The following PPP1CC variants were observed in gnomAD, a reference collection of about 807,000 sequenced individuals.
PPP1CC encodes the protein serine/threonine-protein phosphatase PP1-gamma catalytic subunit.
In PPP1CC, 16 loss-of-function variants were observed where a neutral mutation model predicts 38.4. That is an observed-to-expected ratio of 0.42 (90% confidence interval 0.28 to 0.63). PPP1CC has a LOEUF of 0.63. PPP1CC is among the 30% of genes least tolerant of loss of function. The pLI is 0.25. For synonymous variants in PPP1CC, 158 were observed against 136.0 expected, an observed-to-expected ratio of 1.16 and a Z score of -1.13; for missense variants, 170 against 391.3, an observed-to-expected ratio of 0.43 and a Z score of 4.77.
rs141465425 is a variant in PPP1CC, at chr12:110,721,247, T to A, written c.883-82A>T. 9.6e-4 allele frequency: 1,175 copies of A among 1,222,790 alleles called. 10 individuals carry two copies. The African/African-American group carries it at 0.016, about 16-fold the overall frequency. The allele number at this position is 1,222,790 out of a possible 1,614,324, so 75.7% of individuals were successfully genotyped here. On this transcript the variant is annotated intron_variant, in intron 6 of 6. Transcript: ENST00000335007. ...GTCCTTAAATTTCATTCAGATCTTC[T>A]GTTCAGATGGTGTTCACAACTGCCC...
At chr12:110,728,154 C>T (rs964811132) in intron 3 of PPP1CC, among the ~76,000 whole-genome samples, 14 of 152,204 alleles carry the variant, frequency 9.2e-5, no homozygotes, top group Admixed American at 2.0e-4. Flanking sequence ...AATCCCAGCA[C>T]TTTGGGAAGC....
At chr12:110,726,861 A>T (rs1451333089) in intron 3 of PPP1CC, among the ~76,000 whole-genome samples, 2 of 152,230 alleles carry the variant, frequency 1.3e-5, no homozygotes, top group Non-Finnish European at 2.9e-5. Context: ...AGGAATACTT[A>T]ACCTGTATTA....
intron 1 of PPP1CC, 74 bp from the exon 2 acceptor site, chr12:110,731,975 C>A: frequency 1.3e-6 from 2 of 1,535,542 alleles, no homozygotes; most frequent in Non-Finnish European, 1.8e-6. Flanking sequence ...GATAAAGGGG[C>A]AAAAACATGG....
At chr12:110,728,377 G>A (rs558870350) in intron 3 of PPP1CC, among the ~76,000 whole-genome samples, 186 of 140,446 alleles carry the variant, frequency 1.3e-3, no homozygotes, top group Non-Finnish European at 1.6e-3. Flanking sequence ...CAGCCTGGGC[G>A]ACAGAGCGAG....
chr12:110,712,009 A>G, the PPP1CC span, among the ~76,000 whole-genome samples: 1 of 152,146 alleles, frequency 6.6e-6, no homozygotes, highest in Non-Finnish European at 1.5e-5. Flanking sequence ...GATGGACCGC[A>G]TATGTGATGG....
At chr12:110,730,877 G>A in intron 2 of PPP1CC, 118 bp from the exon 3 acceptor site, 4 of 671,994 alleles carry the variant, frequency 6.0e-6, no homozygotes, top group Non-Finnish European at 9.8e-6. Context: ...CTCTAGTAAT[G>A]AGAGTTTAAC....
At chr12:110,735,644 T>C (rs2069934405) in intron 1 of PPP1CC, among the ~76,000 whole-genome samples, 1 of 150,172 alleles carries the variant, frequency 6.7e-6, no homozygotes, top group Non-Finnish European at 1.5e-5. Flanking sequence ...TTGCTGGGCA[T>C]GGTGGTGCAC....
intron 3 of PPP1CC, among the ~76,000 whole-genome samples, chr12:110,729,860 A>G (rs1442159080): frequency 6.6e-6 from 1 of 152,252 alleles, no homozygotes; most frequent in Non-Finnish European, 1.5e-5. Flanking sequence ...ATTTTATGGA[A>G]TGAAATTACA....
chr12:110,733,147 A>G (rs2069900139), intron 1 of PPP1CC, among the ~76,000 whole-genome samples: 1 of 152,238 alleles, frequency 6.6e-6, no homozygotes, highest in Non-Finnish European at 1.5e-5. Context: ...GTTAGAACTC[A>G]GGAAATACTC....
At chr12:110,710,374 C>T in the PPP1CC span, among the ~76,000 whole-genome samples, 7 of 148,062 alleles carry the variant, frequency 4.7e-5, no homozygotes, top group Admixed American at 1.3e-4. Context: ...GAAACCCTGT[C>T]GCTATTAAAC....
chr12:110,715,950 G>A (rs116320775), downstream of PPP1CC, among the ~76,000 whole-genome samples: 1,107 of 152,028 alleles, frequency 7.3e-3, 29 homozygotes, highest in African/African-American at 0.024. Context: ...ACCACCTGTC[G>A]CTTTATTGCT....
At chr12:110,717,692 G>A (rs187253143), downstream of PPP1CC, among the ~76,000 whole-genome samples, 117 of 152,172 alleles carry the variant, frequency 7.7e-4, 1 homozygote, top group African/African-American at 2.3e-3. Flanking sequence ...CACCATGCCC[G>A]GCCTCAAACC....
intron 3 of PPP1CC, chr12:110,725,064 G>GA (rs2069781214): frequency 1.0e-5 from 2 of 192,712 alleles, no homozygotes; most frequent in African/African-American, 4.7e-5. Flanking sequence ...TCTCTTTAAA[G>GA]AAAGACTCTC....
At chr12:110,723,056 T>G (rs73194031) in intron 4 of PPP1CC, among the ~76,000 whole-genome samples, 15 of 152,372 alleles carry the variant, frequency 9.8e-5, no homozygotes, top group Non-Finnish European at 2.1e-4. Flanking sequence ...TTATAATGAC[T>G]GAGCTGAGAA....
At chr12:110,731,700 GTCA>G in intron 2 of PPP1CC, 67 bp downstream of exon 2, 1 of 1,518,310 alleles carries the variant, frequency 6.6e-7, no homozygotes, top group Non-Finnish European at 9.0e-7. Context: ...CTAATACAAG[GTCA>G]TCAACATATC....
rs574665605 is a variant in PPP1CC at position 110,737,493 on chromosome 12, A to G, written c.55+5160T>C. 6.9e-3 allele frequency among the ~76,000 whole-genome samples: 1,037 copies of G among 150,570 alleles called. 19 individuals are homozygous for G. The highest frequency in any genetic ancestry group is 0.012 in the Non-Finnish European group (836 of 67,602). ...AGAAAGACTCAAAAAAAAAAAAAAA[A>G]AAAAAAAAGAAAAGAAAAGAAAAAA... On this transcript the variant is annotated intron_variant, in intron 1 of 6. Transcript: ENST00000335007.
At chr12:110,737,477 C>CA (rs71083137) in intron 1 of PPP1CC, among the ~76,000 whole-genome samples, 4,150 of 42,150 alleles carry the variant, frequency 0.098, 136 homozygotes, top group Non-Finnish European at 0.12. Context: ...AAGAAAGACT[C>CA]AAAAAAAAAA....
At chr12:110,732,286 T>C (rs1418295869) in intron 1 of PPP1CC, 4 of 270,890 alleles carry the variant, frequency 1.5e-5, no homozygotes, top group Non-Finnish European at 2.7e-5. Flanking sequence ...GGCGTGCACC[T>C]GTAATCCCAG....
chr12:110,724,004 C>T (rs1170436254), intron 4 of PPP1CC, among the ~76,000 whole-genome samples: 1 of 151,844 alleles, frequency 6.6e-6, no homozygotes, highest in Non-Finnish European at 1.5e-5. Flanking sequence ...TTTGGGAGGC[C>T]GAGGCGGGCA....
Sources: gnomAD v4.1 joint callset for allele counts (sites outside exome capture counted in the v4.1 genomes callset) on GRCh38, gnomAD v4.1.1 for gene constraint, MANE v1.5 for transcripts, NCBI Gene and HGNC (gene_info 2026-07-23, HGNC 2026-07-21) for gene names.